The following ITGA9 variants were observed in gnomAD, a reference collection of about 807,000 sequenced individuals.
ITGA9 encodes the protein integrin subunit alpha 9.
In ITGA9, 56 loss-of-function variants were observed where a neutral mutation model predicts 127.8. The ratio of observed to expected loss-of-function variants is 0.44; its 90% CI spans 0.35 to 0.55. The LOEUF (loss-of-function observed/expected upper bound fraction) is 0.55, where lower values mean the gene tolerates loss of function less well. Ranked by LOEUF, ITGA9 falls within the 20% of genes least tolerant of loss-of-function variation. The pLI, the probability that ITGA9 is intolerant of heterozygous loss-of-function variation, is 0.00. For synonymous variants in ITGA9, 508 were observed against 514.5 expected (o/e 0.99, Z 0.17); for missense variants, 1,196 against 1,347.1 (o/e 0.89, Z 1.76).
intron 14 of ITGA9, among the ~76,000 whole-genome samples, chr3:37,538,615 C>G (rs1360284963): frequency 6.6e-6 from 1 of 152,214 alleles, no homozygotes; most frequent in African/African-American, 2.4e-5. Context: ...AGGGCCCTGA[C>G]CGCGGAGCCC....
intron 24 of ITGA9, among the ~76,000 whole-genome samples, chr3:37,779,217 G>A (rs1027376493): frequency 6.6e-6 from 1 of 152,006 alleles, no homozygotes; most frequent in Non-Finnish European, 1.5e-5. Context: ...CAGTTCTCCC[G>A]CCTCAGCCTC....
At chr3:37,519,054 G>A (rs1211208086) in intron 10 of ITGA9, among the ~76,000 whole-genome samples, 2 of 151,040 alleles carry the variant, frequency 1.3e-5, no homozygotes, top group Non-Finnish European at 2.9e-5. Flanking sequence ...CAAAGTGCTG[G>A]GATTACAGGC....
At chr3:37,532,524 A>C (rs1329765387) in intron 13 of ITGA9, among the ~76,000 whole-genome samples, 1 of 152,184 alleles carries the variant, frequency 6.6e-6, no homozygotes, top group African/African-American at 2.4e-5. Flanking sequence ...GGAGGGGAGA[A>C]GGTTGAGCGG....
At chr3:37,541,074 T>C (rs1366336399) in intron 14 of ITGA9, among the ~76,000 whole-genome samples, 1 of 152,254 alleles carries the variant, frequency 6.6e-6, no homozygotes, top group Non-Finnish European at 1.5e-5. Flanking sequence ...GTCACCTTCC[T>C]CTCTGCCTGT....
intron 16 of ITGA9, among the ~76,000 whole-genome samples, chr3:37,652,986 G>A (rs6788332): frequency 0.038 from 5,862 of 152,272 alleles, 130 homozygotes; most frequent in Non-Finnish European, 0.047. Context: ...TCCACAGATA[G>A]GCCCAGGCCC....
intron 23 of ITGA9, among the ~76,000 whole-genome samples, chr3:37,760,115 GGAGGCC>G (rs1280256602): frequency 6.6e-6 from 1 of 151,844 alleles, no homozygotes; most frequent in Non-Finnish European, 1.5e-5. Context: ...CAGCTACTCA[GGAGGCC>G]GAGGCAGGAG....
intron 15 of ITGA9, among the ~76,000 whole-genome samples, chr3:37,569,008 A>G (rs553744383): frequency 5.9e-5 from 9 of 152,224 alleles, no homozygotes; most frequent in Admixed American, 5.9e-4. Context: ...CACACTGCTG[A>G]TAAAGACAAC....
At chr3:37,494,855 C>T (rs1359567949) in intron 5 of ITGA9, among the ~76,000 whole-genome samples, 6 of 152,090 alleles carry the variant, frequency 3.9e-5, no homozygotes, top group Middle Eastern at 3.2e-3. Context: ...GGGAAGGAGT[C>T]GATTTGGGGA....
intron 15 of ITGA9, among the ~76,000 whole-genome samples, chr3:37,572,256 G>A (rs1255743988): frequency 6.6e-6 from 1 of 152,110 alleles, no homozygotes; most frequent in Non-Finnish European, 1.5e-5. Flanking sequence ...CTTCGAGGGA[G>A]CTTGAGTGGC....
At chr3:37,568,063 G>A (rs1699565021) in intron 15 of ITGA9, among the ~76,000 whole-genome samples, 1 of 152,208 alleles carries the variant, frequency 6.6e-6, no homozygotes, top group African/African-American at 2.4e-5. Context: ...CTTTATGAGG[G>A]CCCCCGTGAG....
intron 18 of ITGA9, 136 bp downstream of exon 18, chr3:37,684,151 T>A (rs1219893129): frequency 5.8e-6 from 5 of 861,762 alleles, no homozygotes. Flanking sequence ...TGATTAGAAC[T>A]TTTTTCTTCC....
Position 37,736,951 on chromosome 3 carries a change from G to A in ITGA9, c.2202G>A (p.Glu734=), listed in dbSNP as rs1258734847. 6.2e-7 allele frequency: 1 copy of A among 1,613,628 alleles called. No homozygotes were observed. The highest frequency in any genetic ancestry group is 1.1e-5 in the South Asian group (1 of 91,070). ...IFDTSHLSGE[E]EVLSFIVTAQ... is the part of the protein sequence containing the mutation. ...ATACAAGCCACCTGTCTGGGGAAGA[G>A]GAAGTTCTCAGCTTCATTGTTACTG... Residue 734 remains glutamate (E), a synonymous_variant, in exon 20 of 28, where the codon GAG becomes GAA. Transcript: ENST00000264741.
At chr3:37,772,038 G>A (rs149147180) in intron 23 of ITGA9, among the ~76,000 whole-genome samples, 3 of 152,270 alleles carry the variant, frequency 2.0e-5, no homozygotes, top group African/African-American at 7.2e-5. Context: ...GCCCAGTTCT[G>A]TGGCCTGCTA....
intron 15 of ITGA9, among the ~76,000 whole-genome samples, chr3:37,616,634 G>C (rs1162855617): frequency 6.6e-6 from 1 of 152,170 alleles, no homozygotes; most frequent in East Asian, 1.9e-4. Context: ...CTTGCTTTAT[G>C]AATCTGGGTG....
At chr3:37,816,480 C>A (rs1194759224) in intron 27 of ITGA9, among the ~76,000 whole-genome samples, 1 of 152,234 alleles carries the variant, frequency 6.6e-6, no homozygotes, top group Non-Finnish European at 1.5e-5. Flanking sequence ...CCAGCCACAT[C>A]TGGCCATGTT....
intron 17 of ITGA9, among the ~76,000 whole-genome samples, chr3:37,675,549 C>G (rs1172808541): frequency 6.6e-6 from 1 of 152,130 alleles, no homozygotes; most frequent in Non-Finnish European, 1.5e-5. Context: ...CACCACATCA[C>G]AGGTAATGAA....
intron 15 of ITGA9, among the ~76,000 whole-genome samples, chr3:37,609,212 C>G (rs948927975): frequency 6.6e-6 from 1 of 152,162 alleles, no homozygotes; most frequent in Non-Finnish European, 1.5e-5. Flanking sequence ...GCCCCTCACA[C>G]CTGCCCTTCT....
At chr3:37,780,451 T>A (rs946948869) in intron 25 of ITGA9, among the ~76,000 whole-genome samples, 2 of 152,218 alleles carry the variant, frequency 1.3e-5, no homozygotes, top group South Asian at 2.1e-4. Flanking sequence ...GGAAATGGAC[T>A]TCATTTCCAT....
chr3:37,761,971 C>G (rs868664245), intron 23 of ITGA9, among the ~76,000 whole-genome samples: 2 of 152,250 alleles, frequency 1.3e-5, no homozygotes, highest in African/African-American at 4.8e-5. Flanking sequence ...ATAATCCACT[C>G]CTTTTTTAGC....
Sources: gnomAD v4.1 joint callset for allele counts (sites outside exome capture counted in the v4.1 genomes callset) on GRCh38, gnomAD v4.1.1 for gene constraint, MANE v1.5 for transcripts, NCBI Gene and HGNC (gene_info 2026-07-23, HGNC 2026-07-21) for gene names.